CPNE4: variants seen among roughly 807,000 people sequenced by gnomAD.
The protein encoded by CPNE4 is copine-4.
CPNE4 carries 25 observed loss-of-function variants against 67.9 expected under a neutral mutation model. That is an observed-to-expected ratio of 0.37 (90% CI 0.27 to 0.51). The LOEUF (loss-of-function observed/expected upper bound fraction) is 0.51, where lower values mean the gene tolerates loss of function less well. CPNE4 is among the 20% of genes least tolerant of loss of function. The pLI, the probability that CPNE4 is intolerant of heterozygous loss-of-function variation, is 0.93. For missense variants in CPNE4, 464 were observed against 690.8 expected (o/e 0.67, Z 3.68); for synonymous variants, 242 against 244.9 (o/e 0.99, Z 0.11).
At chr3:131,687,125 G>T (rs1169638796) in intron 5 of CPNE4, among the ~76,000 whole-genome samples, 1 of 152,136 alleles carries the variant, frequency 6.6e-6, no homozygotes, top group Non-Finnish European at 1.5e-5. Flanking sequence ...AATCTACACT[G>T]CCTCAGGACT....
intron 1 of CPNE4, among the ~76,000 whole-genome samples, chr3:131,954,591 C>G (rs2071882948): frequency 6.6e-6 from 1 of 152,138 alleles, no homozygotes; most frequent in Admixed American, 6.5e-5. Context: ...TGGTGTGGTG[C>G]ACCCATTAAC....
chr3:131,692,158 G>T (rs933943799), intron 5 of CPNE4, among the ~76,000 whole-genome samples: 4 of 152,088 alleles, frequency 2.6e-5, no homozygotes, highest in African/African-American at 9.7e-5. Context: ...TACCCATGAC[G>T]GTGATCTTGA....
chr3:131,768,240 C>G (rs1184443815), intron 2 of CPNE4, among the ~76,000 whole-genome samples: 2 of 152,076 alleles, frequency 1.3e-5, no homozygotes, highest in Non-Finnish European at 2.9e-5. Flanking sequence ...TAAGGCAGCC[C>G]AGAAAGCTGT....
chr3:131,703,347 T>A (rs986986899), intron 3 of CPNE4, among the ~76,000 whole-genome samples: 2 of 152,196 alleles, frequency 1.3e-5, no homozygotes, highest in Non-Finnish European at 1.5e-5. Context: ...TATGATGGGG[T>A]CACAGGTGCA....
At position 131,790,828 on chromosome 3, in the gene CPNE4, C is replaced by A. The variant is rs1473778707; in HGVS notation, c.181-67203G>T. On this transcript the variant is annotated intron_variant, in intron 2 of 15. Transcript: ENST00000429747. ...TTGCCTTCTTTAACAAATTTTGTAA[C>A]CTTCCTTTTGCCCCTTCAAACAGTA... Among the ~76,000 whole-genome samples the A allele has an allele frequency of 3.3e-5, 5 of 152,128 alleles. No individual in the cohort carries two copies. The East Asian group carries it at 9.6e-4, about 29-fold the overall frequency.
At chr3:131,843,832 C>T (rs2085890659) in intron 2 of CPNE4, among the ~76,000 whole-genome samples, 1 of 152,156 alleles carries the variant, frequency 6.6e-6, no homozygotes, top group African/African-American at 2.4e-5. Flanking sequence ...AAATGTGCCC[C>T]TCTGTTCTGG....
chr3:131,893,982 T>C (rs4854855), intron 2 of CPNE4, among the ~76,000 whole-genome samples: 45,604 of 151,446 alleles, frequency 0.3, 7,343 homozygotes, highest in African/African-American at 0.41. Flanking sequence ...ATAAACAATA[T>C]ATAGACTACA....
chr3:131,668,041 T>G (rs2080308209), intron 7 of CPNE4, among the ~76,000 whole-genome samples: 2 of 152,186 alleles, frequency 1.3e-5, no homozygotes, highest in African/African-American at 4.8e-5. Flanking sequence ...CCAGGAATCC[T>G]GATTTTGGCT....
intron 7 of CPNE4, among the ~76,000 whole-genome samples, chr3:131,641,722 A>C (rs1052468745): frequency 1.3e-5 from 2 of 152,208 alleles, no homozygotes; most frequent in Non-Finnish European, 2.9e-5. Context: ...TGTTTGTAGC[A>C]GCACAATTCG....
intron 1 of CPNE4, among the ~76,000 whole-genome samples, chr3:131,926,743 A>C (rs1035687269): frequency 6.6e-6 from 1 of 152,184 alleles, no homozygotes; most frequent in African/African-American, 2.4e-5. Context: ...TCAGTCTCCC[A>C]ATTTTGAGTG....
intron 7 of CPNE4, among the ~76,000 whole-genome samples, chr3:131,648,009 T>A (rs1220391750): frequency 1.3e-5 from 2 of 152,202 alleles, no homozygotes; most frequent in Non-Finnish European, 2.9e-5. Flanking sequence ...ATATCATTTT[T>A]CTCCCCCATC....
rs138102065 is a variant in CPNE4, at chr3:131,844,515, G to T, written c.180+60749C>A. ...ACTCCTGACCTCAGATGATCTGCCT[G>T]CCTCGGCCTCCCAAAATGCTCAGTC... On this transcript the variant is annotated intron_variant, in intron 2 of 15. Transcript: ENST00000429747. 5.0e-3 allele frequency among the ~76,000 whole-genome samples: 758 copies of T among 152,144 alleles called. 4 individuals are homozygous for T. Among genetic ancestry groups the T allele is most frequent in the African/African-American group, 0.017 (724 of 41,522 alleles).
intron 1 of CPNE4, among the ~76,000 whole-genome samples, chr3:131,943,437 C>T (rs1008976559): frequency 6.6e-6 from 1 of 152,124 alleles, no homozygotes; most frequent in African/African-American, 2.4e-5. Flanking sequence ...TATCACAGGA[C>T]CTGATACAGA....
At chr3:131,855,957 T>C (rs2086426620) in intron 2 of CPNE4, among the ~76,000 whole-genome samples, 1 of 151,900 alleles carries the variant, frequency 6.6e-6, no homozygotes, top group African/African-American at 2.4e-5. Context: ...CCTTTCTGAG[T>C]TCTCCTCTGA....
chr3:131,997,366 C>T (rs2073321163), intron 1 of CPNE4, among the ~76,000 whole-genome samples: 3 of 152,072 alleles, frequency 2.0e-5, no homozygotes, highest in Non-Finnish European at 2.9e-5. Context: ...GTTAATGCTA[C>T]AAGCAGCAAC....
At chr3:131,564,430 T>G in intron 10 of CPNE4, 81 bp from the exon 11 acceptor site, 1 of 1,360,824 alleles carries the variant, frequency 7.3e-7, no homozygotes, top group Non-Finnish European at 1.0e-6. Flanking sequence ...GAGAGAGACC[T>G]GGCCTCGGGT....
rs1162051259 is a variant in CPNE4, at chr3:132,034,618, T to A, written c.-53A>T. On this transcript the variant is annotated 5_prime_UTR_variant, in exon 1 of 16. Coordinates refer to ENST00000429747, the MANE Select transcript of CPNE4 (RefSeq NM_130808.3). Reference sequence around the variant, plus strand: ...AGAGAGAATTCAGCCCGGGACGAGGTCTGTCCCGCCCCCAGGATGCAAAAT... The same window carrying A: ...AGAGAGAATTCAGCCCGGGACGAGGACTGTCCCGCCCCCAGGATGCAAAAT... The A allele has an allele frequency of 1.0e-6, 1 of 985,212 alleles. No individual in the cohort carries two copies. Among genetic ancestry groups the A allele is most frequent in the African/African-American group, 1.7e-5 (1 of 57,150 alleles). 61.0% of individuals were successfully genotyped at this position (985,212 alleles called of 1,614,324 possible).
At chr3:131,934,739 C>A (rs2107838385) in intron 1 of CPNE4, among the ~76,000 whole-genome samples, 1 of 152,224 alleles carries the variant, frequency 6.6e-6, no homozygotes, top group African/African-American at 2.4e-5. Flanking sequence ...TAGGATAACC[C>A]AGTTAGGAAG....
chr3:131,637,445 C>T (rs183377064), intron 7 of CPNE4, among the ~76,000 whole-genome samples: 3 of 152,214 alleles, frequency 2.0e-5, no homozygotes, highest in Admixed American at 2.0e-4. Flanking sequence ...GGAAGAATTT[C>T]AGAGCTCAAA....
Sources: allele counts gnomAD v4.1 joint callset (sites outside exome capture counted in the v4.1 genomes callset), GRCh38; gene constraint gnomAD v4.1.1; transcripts MANE v1.5; gene names NCBI Gene and HGNC (gene_info 2026-07-23, HGNC 2026-07-21).